RRM2: variants seen among roughly 807,000 people sequenced by gnomAD.
The protein encoded by RRM2 is ribonucleotide reductase regulatory subunit M2.
RRM2 carries 6 observed loss-of-function variants against 45.9 expected under a neutral mutation model. The observed-to-expected ratio is 0.13, with a 90% CI of 0.07 to 0.26. The LOEUF (loss-of-function observed/expected upper bound fraction) is 0.26, where lower values mean the gene tolerates loss of function less well. Among genes scored for constraint, RRM2 ranks in the 10% least tolerant of loss-of-function variants. The pLI is 1.00. For synonymous variants in RRM2, 177 were observed against 173.0 expected (o/e 1.02, Z -0.18); for missense variants, 343 against 489.5 (o/e 0.70, Z 2.82).
chr2:10,125,997 G>A (rs965694807), intron 5 of RRM2, among the ~76,000 whole-genome samples: 2 of 151,782 alleles, frequency 1.3e-5, no homozygotes, highest in Non-Finnish European at 2.9e-5. Flanking sequence ...CAGTGAGATG[G>A]AAAGAATGAA....
Position 10,123,476 on chromosome 2 carries a change from T to C in RRM2, c.264T>C (p.His88=), listed in dbSNP as rs372500427. Residue 88 remains histidine (H), a synonymous_variant, in exon 3 of 10, where the codon CAT becomes CAC. Coordinates refer to ENST00000304567, the MANE Select transcript of RRM2 (RefSeq NM_001034.4). ...RRFVIFPIEY[H]DIWQMYKKAE... is the part of the protein sequence containing the mutation. ...TTGTCATCTTCCCCATCGAGTACCATGATATCTGGCAGATGTATAAGAAGG... is the reference window on the plus strand; with the variant it reads ...TTGTCATCTTCCCCATCGAGTACCACGATATCTGGCAGATGTATAAGAAGG... 3.1e-6 allele frequency: 5 copies of C among 1,613,982 alleles called. No individual in the cohort carries two copies. The highest frequency in any genetic ancestry group is 4.2e-6 in the Non-Finnish European group (5 of 1,180,000).
At chr2:10,201,159 AAAAGAAAG>A (rs898682325) in intron 3 of RRM2, among the ~76,000 whole-genome samples, 4 of 150,906 alleles carry the variant, frequency 2.7e-5, no homozygotes, top group East Asian at 1.9e-4. Context: ...AAAAAAAAAA[AAAAGAAAG>A]AAAGAAAGAA....
At chr2:10,161,690 A>ACT (rs1265259686) in intron 3 of RRM2, among the ~76,000 whole-genome samples, 3 of 152,170 alleles carry the variant, frequency 2.0e-5, no homozygotes, top group Non-Finnish European at 4.4e-5. Flanking sequence ...TCACACACAC[A>ACT]CACACACATT....
intron 3 of RRM2, among the ~76,000 whole-genome samples, chr2:10,164,403 C>G (rs574957470): frequency 6.6e-6 from 1 of 152,170 alleles, no homozygotes; most frequent in Non-Finnish European, 1.5e-5. Flanking sequence ...AGAACAAGGA[C>G]TGGCAGTAAG....
intron 3 of RRM2, among the ~76,000 whole-genome samples, chr2:10,202,899 T>C (rs1038847709): frequency 1.3e-5 from 2 of 151,754 alleles, no homozygotes; most frequent in African/African-American, 4.8e-5. Flanking sequence ...TTCCCAGCCG[T>C]TGGCCCGTTT....
At chr2:10,150,750 T>A (rs1271215704) in intron 3 of RRM2, among the ~76,000 whole-genome samples, 2 of 145,516 alleles carry the variant, frequency 1.4e-5, no homozygotes, top group South Asian at 2.2e-4. Flanking sequence ...TTCATGTAAA[T>A]AGAATCCTAC....
At chr2:10,188,284 C>T (rs1452957131) in intron 3 of RRM2, among the ~76,000 whole-genome samples, 4 of 152,160 alleles carry the variant, frequency 2.6e-5, no homozygotes, top group African/African-American at 9.7e-5. Flanking sequence ...AATGGGGGCT[C>T]ACACCGCAGG....
At chr2:10,143,019 G>A (rs1336661269) in intron 3 of RRM2, among the ~76,000 whole-genome samples, 2 of 152,156 alleles carry the variant, frequency 1.3e-5, no homozygotes, top group South Asian at 2.1e-4. Context: ...GACTACAGGC[G>A]CCCACCACCT....
At chr2:10,180,550 G>A (rs960985148) in intron 3 of RRM2, among the ~76,000 whole-genome samples, 1 of 152,186 alleles carries the variant, frequency 6.6e-6, no homozygotes, top group African/African-American at 2.4e-5. Context: ...GGCACTCGTG[G>A]TTGGCCCCTT....
At chr2:10,186,391 G>A (rs151078964) in intron 3 of RRM2, among the ~76,000 whole-genome samples, 6,107 of 151,204 alleles carry the variant, frequency 0.04, 270 homozygotes, top group African/African-American at 0.11. Context: ...TCCTGACCTC[G>A]TGATCCACCC....
At chr2:10,199,410 A>G (rs1453347832) in intron 3 of RRM2, 2 of 152,160 alleles carry the variant, frequency 1.3e-5, no homozygotes, top group Non-Finnish European at 2.9e-5. Flanking sequence ...ACCTCAGACA[A>G]GACTAGAATT....
intron 3 of RRM2, among the ~76,000 whole-genome samples, chr2:10,180,561 C>T (rs1664024756): frequency 6.6e-6 from 1 of 152,184 alleles, no homozygotes; most frequent in Non-Finnish European, 1.5e-5. Context: ...TTGGCCCCTT[C>T]TCCCCTCTGG....
intron 3 of RRM2, among the ~76,000 whole-genome samples, chr2:10,167,117 C>T (rs1034905550): frequency 3.3e-5 from 5 of 152,178 alleles, no homozygotes; most frequent in Non-Finnish European, 5.9e-5. Flanking sequence ...CAGCTGCTCT[C>T]GAGACACGCC....
chr2:10,146,144 T>C (rs868550667), intron 3 of RRM2: 1 of 152,226 alleles, frequency 6.6e-6, no homozygotes, highest in Non-Finnish European at 1.5e-5. Flanking sequence ...GAGGGAAGCA[T>C]ATCTTACGGA....
At position 10,203,782 on chromosome 2, in the gene RRM2, T is replaced by A. The variant is rs113475454; in HGVS notation, n.483-6529T>A. Among the ~76,000 whole-genome samples the A allele has an allele frequency of 4.3e-3, 644 of 151,138 alleles. 7 individuals carry two copies. Among genetic ancestry groups the A allele is most frequent in the African/African-American group, 0.015 (618 of 40,842 alleles). ...ATAAATACATACATACATACATACA[T>A]ACATGTGACGGTCTCCCAGACATGC... On this transcript the variant is annotated intron_variant and non_coding_transcript_variant, in intron 3 of 3. Transcript: ENST00000381786.
At chr2:10,168,041 T>TTTG (rs1435961554) in intron 3 of RRM2, among the ~76,000 whole-genome samples, 70 of 151,598 alleles carry the variant, frequency 4.6e-4, no homozygotes, top group East Asian at 9.7e-4. Context: ...TTTCTGTTTT[T>TTTG]TTTTTTTTTT....
At chr2:10,197,467 C>T (rs542033536) in intron 3 of RRM2, among the ~76,000 whole-genome samples, 2 of 152,274 alleles carry the variant, frequency 1.3e-5, no homozygotes, top group South Asian at 2.1e-4. Flanking sequence ...CCCCAGGCAG[C>T]ACTGGGAAGC....
At chr2:10,207,269 T>C (rs764305459) in intron 3 of RRM2, among the ~76,000 whole-genome samples, 2 of 152,122 alleles carry the variant, frequency 1.3e-5, no homozygotes, top group Non-Finnish European at 2.9e-5. Flanking sequence ...TCTCTGCCCT[T>C]TTCTCTCCAT....
At position 10,130,409 on chromosome 2, in the gene RRM2, GT is replaced by G. The variant is rs1473323766; in HGVS notation, c.*1024del. ...GTTTTGTTTGGTGTAAGTAGGTTGT[GT>G]GAGTTAATTCATTTATATTTACTAT... On this transcript the variant is annotated 3_prime_UTR_variant, in exon 10 of 10. Coordinates refer to ENST00000304567, the MANE Select transcript of RRM2 (RefSeq NM_001034.4). The G allele has an allele frequency of 6.6e-6, 1 of 152,152 alleles. No homozygotes were observed. Among genetic ancestry groups the G allele is most frequent in the African/African-American group, 2.4e-5 (1 of 41,424 alleles). The allele number at this position is 152,152 out of a possible 1,614,324, so 9.4% of individuals were successfully genotyped here.
Sources: allele counts gnomAD v4.1 joint callset (sites outside exome capture counted in the v4.1 genomes callset), GRCh38; gene constraint gnomAD v4.1.1; transcripts MANE v1.5; gene names NCBI Gene and HGNC (gene_info 2026-07-23, HGNC 2026-07-21).